The following TMEM47 variants were observed in gnomAD, a reference collection of about 807,000 sequenced individuals.
The protein encoded by TMEM47 is brain cell membrane protein 1.
Under a neutral mutation model 12.4 loss-of-function variants are expected in TMEM47, and 3 were observed. The observed-to-expected ratio is 0.24, with a 90% CI of 0.11 to 0.63. The LOEUF is 0.63. Among genes scored for constraint, TMEM47 ranks in the 20% least tolerant of loss-of-function variants. The probability of loss-of-function intolerance (pLI) is 0.86; values close to 1 mark genes in which losing one functional copy is unlikely to be tolerated. For missense variants in TMEM47, 89 were observed against 143.8 expected (o/e 0.62, Z 1.95); for synonymous variants, 62 against 63.3 (o/e 0.98, Z 0.10).
At chrX:34,656,775 G>A (rs1922117255) in intron 1 of TMEM47, 29 bp downstream of exon 1, 2 of 1,157,439 alleles carry the variant, frequency 1.7e-6, no homozygotes. Context: ...GGGGCGGGAG[G>A]CAGGGGTCGC....
chrX:34,650,609 C>T (rs1220067812), intron 1 of TMEM47, among the ~76,000 whole-genome samples: 4 of 112,183 alleles, frequency 3.6e-5, no homozygotes, highest in Non-Finnish European at 5.6e-5. Flanking sequence ...CACTATAAAA[C>T]TTGGCTCCTG....
intron 2 of TMEM47, among the ~76,000 whole-genome samples, chrX:34,633,999 C>T (rs1921670587): frequency 1.8e-5 from 2 of 111,100 alleles, no homozygotes; most frequent in Non-Finnish European, 3.8e-5. Flanking sequence ...ATAATTTTCT[C>T]CATGTAATAA....
intron 1 of TMEM47, among the ~76,000 whole-genome samples, chrX:34,641,349 C>T (rs1921814797): frequency 8.9e-6 from 1 of 111,991 alleles, no homozygotes; most frequent in African/African-American, 3.2e-5. Context: ...AAAGCCTATG[C>T]TCCATATGTT....
chrX:34,630,037 T>C lies in TMEM47; in HGVS notation c.*276A>G. On this transcript the variant is annotated 3_prime_UTR_variant, in exon 3 of 3. Coordinates refer to ENST00000275954, the MANE Select transcript of TMEM47 (RefSeq NM_031442.4). Reference sequence around the variant, plus strand: ...TAGTTTCTCACAATGGTTGCTGTCATATAGACCCTTCATTTGTCAAGAAAA... The same window carrying C: ...TAGTTTCTCACAATGGTTGCTGTCACATAGACCCTTCATTTGTCAAGAAAA... 4.2e-6 allele frequency: 1 copy of C among 240,307 alleles called. No homozygotes were observed. Among genetic ancestry groups the C allele is most frequent in the Non-Finnish European group, 7.5e-6 (1 of 133,357 alleles). 19.8% of individuals were successfully genotyped at this position (240,307 alleles called of 1,213,427 possible).
intron 1 of TMEM47, among the ~76,000 whole-genome samples, chrX:34,646,682 G>C (rs1310057331): frequency 9.0e-6 from 1 of 111,358 alleles, no homozygotes; most frequent in Non-Finnish European, 1.9e-5. Flanking sequence ...CCAGGATTAG[G>C]AGTGGGTGAA....
intron 1 of TMEM47, among the ~76,000 whole-genome samples, chrX:34,654,108 G>T (rs1471004521): frequency 1.8e-5 from 2 of 111,480 alleles, no homozygotes. Context: ...CATAAAACAG[G>T]TTATAAACAG....
chrX:34,642,383 A>G (rs900557263), intron 1 of TMEM47, among the ~76,000 whole-genome samples: 15 of 112,538 alleles, frequency 1.3e-4, no homozygotes, highest in African/African-American at 4.2e-4. Context: ...ATTCCAAAAA[A>G]TTCCTAATCG....
chrX:34,640,084 C>T (rs372534609), intron 1 of TMEM47, among the ~76,000 whole-genome samples: 4 of 111,941 alleles, frequency 3.6e-5, no homozygotes, highest in South Asian at 7.4e-4. Flanking sequence ...TCCACTCCCT[C>T]TAAAACAACT....
chrX:34,630,938 CCAGG>C (rs1162818665), intron 2 of TMEM47, among the ~76,000 whole-genome samples: 4 of 108,224 alleles, frequency 3.7e-5, no homozygotes, highest in Non-Finnish European at 7.6e-5. Flanking sequence ...TTTGGGAGGC[CCAGG>C]CAGGTGGATC....
In TMEM47 at chrX:34,630,410, T is replaced by C; in HGVS notation, c.449A>G (p.Asn150Ser). 8.3e-7 allele frequency: 1 copy of C among 1,210,264 alleles called. No homozygotes were observed. Among genetic ancestry groups the C allele is most frequent in the Non-Finnish European group, 1.1e-6 (1 of 894,672 alleles). Residue 150 changes from asparagine (N) to serine (S), a missense_variant, in exon 3 of 3, where the codon AAC (asparagine) becomes AGC (serine). Transcript: ENST00000275954. Reference sequence around the variant, plus strand: ...ACCCCAGGCCAGGCCATAACCCCAGTTGAACTCATGGTAAATTTTCAAGCT... The same window carrying C: ...ACCCCAGGCCAGGCCATAACCCCAGCTGAACTCATGGTAAATTTTCAAGCT... ...TVSLKIYHEF[N>S]WGYGLAWGAT... is the part of the protein sequence containing the mutation.
At chrX:34,656,729 C>A in intron 1 of TMEM47, 75 bp downstream of exon 1, 3 of 1,122,417 alleles carry the variant, frequency 2.7e-6, no homozygotes, top group Non-Finnish European at 2.3e-6. Context: ...TGGGGACAGG[C>A]GGTGACTGTC....
At position 34,657,042 on chromosome X, in the gene TMEM47, CT is replaced by C; in HGVS notation, c.-14del. 8.8e-7 allele frequency: 1 copy of C among 1,134,296 alleles called. No homozygotes were observed. The highest frequency in any genetic ancestry group is 1.2e-6 in the Non-Finnish European group (1 of 855,033). The allele number at this position is 1,134,296 out of a possible 1,213,427, so 93.5% of individuals were successfully genotyped here. On this transcript the variant is annotated 5_prime_UTR_variant, in exon 1 of 3. Transcript: ENST00000275954. The stretch of plus-strand genomic sequence containing the variant: ...CCGCCGAAGCCATTCCTGGGCGCCG[CT>C]GTCGTCCGCCCCGCCGCAGGCGAGG...
rs1040707276 is a variant in TMEM47, at chrX:34,627,617, G to A, written c.*2696C>T. On this transcript the variant is annotated 3_prime_UTR_variant, in exon 3 of 3. Transcript: ENST00000275954. The stretch of plus-strand genomic sequence containing the variant: ...TGAACTTACAAAAAGCTAAATAATT[G>A]TGCAAGAAATCGGAATAACTAGCCC... The A allele has an allele frequency of 8.9e-6, 1 of 111,764 alleles. No homozygotes were observed. The highest frequency in any genetic ancestry group is 3.3e-5 in the African/African-American group (1 of 30,738). 9.2% of individuals were successfully genotyped at this position (111,764 alleles called of 1,213,427 possible). A position where few individuals can be genotyped will look rare whatever the true frequency, so the allele number is the denominator to read the frequency against.
intron 2 of TMEM47, among the ~76,000 whole-genome samples, chrX:34,631,165 T>C (rs1468078188): frequency 2.0e-5 from 1 of 50,656 alleles, no homozygotes; most frequent in Non-Finnish European, 3.2e-5. Context: ...AGCCAGACTC[T>C]GTCTCAAAAA....
intron 1 of TMEM47, among the ~76,000 whole-genome samples, chrX:34,654,146 T>G (rs1420975686): frequency 8.9e-6 from 1 of 111,930 alleles, no homozygotes; most frequent in Non-Finnish European, 1.9e-5. Context: ...GTACCAAAAT[T>G]AAAATGCAAG....
chrX:34,637,307 C>A (rs1299089162), intron 2 of TMEM47, among the ~76,000 whole-genome samples: 1 of 109,726 alleles, frequency 9.1e-6, no homozygotes, highest in African/African-American at 3.3e-5. Flanking sequence ...AATAAGCCCG[C>A]CCTAAATAAA....
chrX:34,653,591 A>G (rs770710995), intron 1 of TMEM47, among the ~76,000 whole-genome samples: 2 of 111,947 alleles, frequency 1.8e-5, no homozygotes, highest in East Asian at 5.6e-4. Flanking sequence ...TTAGGGCATC[A>G]GCATTCTGTA....
chrX:34,648,408 T>C (rs997596702), intron 1 of TMEM47, among the ~76,000 whole-genome samples: 1 of 111,485 alleles, frequency 9.0e-6, no homozygotes, highest in Non-Finnish European at 1.9e-5. Context: ...CCATGTGATC[T>C]TTGACAAAAT....
chrX:34,630,189 T>G lies in TMEM47; in HGVS notation c.*124A>C. The G allele has an allele frequency of 1.4e-6, 1 of 730,147 alleles. No individual in the cohort carries two copies. Among genetic ancestry groups the G allele is most frequent in the East Asian group, 3.4e-5 (1 of 29,732 alleles). 60.2% of individuals were successfully genotyped at this position (730,147 alleles called of 1,213,427 possible). ...TTGACAGCCAAAAGGCAAAAAAGAT[T>G]AAATCAACTGAGCAAACTGCTTGAT... On this transcript the variant is annotated 3_prime_UTR_variant, in exon 3 of 3. Coordinates refer to ENST00000275954, the MANE Select transcript of TMEM47 (RefSeq NM_031442.4).
Sources: allele counts gnomAD v4.1 joint callset (sites outside exome capture counted in the v4.1 genomes callset), GRCh38; gene constraint gnomAD v4.1.1; transcripts MANE v1.5; gene names NCBI Gene and HGNC (gene_info 2026-07-23, HGNC 2026-07-21).